RAB31: variants seen among roughly 807,000 people sequenced by gnomAD.
RAB31 encodes ras-related protein Rab-31.
Under a neutral mutation model 25.6 loss-of-function variants are expected in RAB31, and 21 were observed. That is an observed-to-expected ratio of 0.82 (90% confidence interval 0.58 to 1.18). The LOEUF is 1.18. RAB31 is among the 50% of genes most tolerant of loss of function. RAB31 has a pLI of 0.00. For missense variants in RAB31, 196 were observed against 250.1 expected (o/e 0.78, Z 1.46); for synonymous variants, 87 against 84.0 (o/e 1.04, Z -0.20).
chr18:9,816,555 A>G (rs59116962), intron 5 of RAB31, among the ~76,000 whole-genome samples: 13,260 of 152,274 alleles, frequency 0.087, 825 homozygotes, highest in East Asian at 0.31. Flanking sequence ...ATAGTCAAGT[A>G]CATAATCTCA....
rs915624124 is a variant in RAB31, at chr18:9,860,770, T to C, written c.*1445T>C. The C allele has an allele frequency of 6.6e-6, 1 of 152,190 alleles. No homozygotes were observed. Among genetic ancestry groups the C allele is most frequent in the African/African-American group, 2.4e-5 (1 of 41,444 alleles). The allele number at this position is 152,190 out of a possible 1,614,324, so 9.4% of individuals were successfully genotyped here. A position where few individuals can be genotyped will look rare whatever the true frequency, so the allele number is the denominator to read the frequency against. On this transcript the variant is annotated 3_prime_UTR_variant, in exon 7 of 7. Coordinates refer to ENST00000578921, the MANE Select transcript of RAB31 (RefSeq NM_006868.4). ...GCATTCAAGGGACGGCTAACCTTTA[T>C]TGACAATCTATATCGCAAAAGTCAG...
chr18:9,774,316 G>GTCC (rs1568175640), intron 1 of RAB31, among the ~76,000 whole-genome samples: 1 of 152,120 alleles, frequency 6.6e-6, no homozygotes, highest in Non-Finnish European at 1.5e-5. Flanking sequence ...GCCCAGCTCC[G>GTCC]TCCGATGCAG....
chr18:9,803,799 G>A (rs1282703627), intron 3 of RAB31, among the ~76,000 whole-genome samples: 2 of 152,222 alleles, frequency 1.3e-5, no homozygotes, highest in Non-Finnish European at 2.9e-5. Flanking sequence ...GGACCCTGAC[G>A]GCAGCTGTGC....
At chr18:9,814,127 A>T in intron 4 of RAB31, 36 bp downstream of exon 4, 1 of 1,454,854 alleles carries the variant, frequency 6.9e-7, no homozygotes. Context: ...GATGTCATTT[A>T]TGGTGGTTCT....
intron 1 of RAB31, among the ~76,000 whole-genome samples, chr18:9,738,368 T>G (rs901384591): frequency 6.6e-6 from 1 of 152,162 alleles, no homozygotes; most frequent in African/African-American, 2.4e-5. Flanking sequence ...ATGGGAGGGT[T>G]GGGACTTTTA....
In RAB31 at chr18:9,793,431, G is replaced by A. The variant is rs938612681; in HGVS notation, c.201+1196G>A. On this transcript the variant is annotated intron_variant, in intron 3 of 6. Coordinates refer to ENST00000578921, the MANE Select transcript of RAB31 (RefSeq NM_006868.4). Reference sequence around the variant, plus strand: ...TAATCCCAACACTTTGGGAGGCCGAGGCGGGCGGATCATGAGGTCAGGAAA... The same window carrying A: ...TAATCCCAACACTTTGGGAGGCCGAAGCGGGCGGATCATGAGGTCAGGAAA... Among the ~76,000 whole-genome samples, 6 of 152,274 alleles carry A rather than the reference G, an allele frequency of 3.9e-5. No individual in the cohort carries two copies. The East Asian group carries it at 1.2e-3, about 29-fold the overall frequency.
chr18:9,748,657 T>C (rs2068218122), intron 1 of RAB31, among the ~76,000 whole-genome samples: 1 of 151,888 alleles, frequency 6.6e-6, no homozygotes. Flanking sequence ...CTTTGGGAAG[T>C]CGAGGCGGGC....
chr18:9,740,982 C>A (rs1463665577), intron 1 of RAB31, among the ~76,000 whole-genome samples: 1 of 152,002 alleles, frequency 6.6e-6, no homozygotes, highest in Non-Finnish European at 1.5e-5. Flanking sequence ...TAAAACAAGA[C>A]CCTATTGTGT....
chr18:9,740,945 G>A (rs56885895), intron 1 of RAB31, among the ~76,000 whole-genome samples: 168 of 152,256 alleles, frequency 1.1e-3, no homozygotes, highest in African/African-American at 3.8e-3. Flanking sequence ...TGCCTTCCTT[G>A]CTTGTAGTAA....
intron 5 of RAB31, among the ~76,000 whole-genome samples, chr18:9,816,764 G>A (rs959299191): frequency 6.6e-6 from 1 of 152,174 alleles, no homozygotes; most frequent in African/African-American, 2.4e-5. Flanking sequence ...TTTAAAAAAG[G>A]AAATAGCGAA....
intron 5 of RAB31, among the ~76,000 whole-genome samples, chr18:9,824,193 T>C (rs909936028): frequency 1.3e-5 from 2 of 152,024 alleles, no homozygotes; most frequent in African/African-American, 4.8e-5. Flanking sequence ...TGTGTAGATA[T>C]GTGTGGATGT....
chr18:9,748,655 A>G (rs2068218108), intron 1 of RAB31, among the ~76,000 whole-genome samples: 1 of 152,006 alleles, frequency 6.6e-6, no homozygotes. Flanking sequence ...CACTTTGGGA[A>G]GTCGAGGCGG....
At chr18:9,821,487 A>T (rs989906412) in intron 5 of RAB31, among the ~76,000 whole-genome samples, 2 of 152,020 alleles carry the variant, frequency 1.3e-5, no homozygotes, top group Middle Eastern at 3.2e-3. Context: ...TGACAGTGAT[A>T]TCATATTTCT....
intron 1 of RAB31, among the ~76,000 whole-genome samples, chr18:9,716,268 GT>G (rs1383886713): frequency 3.3e-5 from 5 of 152,106 alleles, no homozygotes; most frequent in African/African-American, 1.2e-4. Context: ...CAGGTTCATT[GT>G]TTGGGTGAGA....
chr18:9,748,815 C>T (rs938656615), intron 1 of RAB31, among the ~76,000 whole-genome samples: 20 of 151,732 alleles, frequency 1.3e-4, no homozygotes, highest in South Asian at 4.2e-4. Flanking sequence ...CACTTGAACC[C>T]GGGAGGTGGA....
intron 1 of RAB31, among the ~76,000 whole-genome samples, chr18:9,728,239 T>C (rs1030272013): frequency 3.3e-5 from 5 of 152,240 alleles, no homozygotes; most frequent in African/African-American, 9.6e-5. Flanking sequence ...CTCACAACAG[T>C]ATATCATGAT....
At chr18:9,761,623 C>T (rs1297726672) in intron 1 of RAB31, among the ~76,000 whole-genome samples, 1 of 152,094 alleles carries the variant, frequency 6.6e-6, no homozygotes, top group African/African-American at 2.4e-5. Flanking sequence ...GCAGGGTCTG[C>T]TTTCAGGCTC....
chr18:9,724,037 C>T (rs936091745), intron 1 of RAB31, among the ~76,000 whole-genome samples: 2 of 151,712 alleles, frequency 1.3e-5, no homozygotes, highest in African/African-American at 4.8e-5. Flanking sequence ...TTTGGGAGGC[C>T]GAGGCGGGCA....
At chr18:9,764,384 C>A (rs2068303796) in intron 1 of RAB31, among the ~76,000 whole-genome samples, 1 of 152,192 alleles carries the variant, frequency 6.6e-6, no homozygotes, top group South Asian at 2.1e-4. Flanking sequence ...TGCGTGCCTC[C>A]TGGAGAGATG....
Sources: allele counts gnomAD v4.1 joint callset (sites outside exome capture counted in the v4.1 genomes callset), GRCh38; gene constraint gnomAD v4.1.1; transcripts MANE v1.5; gene names NCBI Gene and HGNC (gene_info 2026-07-23, HGNC 2026-07-21).